Variants in SUPT6H observed in about 807,000 individuals in gnomAD.
The protein encoded by SUPT6H is SPT6 homolog, histone chaperone and transcription elongation factor, also known as transcription elongation factor SPT6.
A neutral mutation model predicts 222.3 loss-of-function variants in SUPT6H; 11 were observed. That is an observed-to-expected ratio of 0.05 (90% CI 0.03 to 0.08). The LOEUF is 0.08. Among genes scored for constraint, SUPT6H ranks in the 10% least tolerant of loss-of-function variants. SUPT6H has a pLI of 1.00. For missense variants in SUPT6H, 1,422 were observed against 2,216.0 expected (o/e 0.64, Z 7.19); for synonymous variants, 762 against 801.2 (o/e 0.95, Z 0.83).
intron 27 of SUPT6H, among the ~76,000 whole-genome samples, chr17:28,693,377 G>A (rs894394728): frequency 1.3e-5 from 2 of 151,906 alleles, no homozygotes; most frequent in Non-Finnish European, 2.9e-5. Context: ...ACGAGAATCG[G>A]CTTGAACCCA....
intron 19 of SUPT6H, 22 bp downstream of exon 19, chr17:28,684,983 A>G: frequency 6.3e-7 from 1 of 1,597,330 alleles, no homozygotes; most frequent in Admixed American, 1.7e-5. Context: ...GGACGAGGAT[A>G]CTAAGTGTAC....
intron 19 of SUPT6H, among the ~76,000 whole-genome samples, 161 bp from the exon 20 acceptor site, chr17:28,686,178 C>T (rs987699855): frequency 1.3e-5 from 2 of 152,180 alleles, no homozygotes; most frequent in Non-Finnish European, 2.9e-5. Flanking sequence ...CAGGGTTGGC[C>T]AACTTTCAGG....
At chr17:28,693,649 T>C (rs761791273) in intron 27 of SUPT6H, 47 bp from the exon 28 acceptor site, 2 of 1,607,582 alleles carry the variant, frequency 1.2e-6, no homozygotes, top group Non-Finnish European at 8.5e-7. Context: ...GAATGAGCGA[T>C]CTCCAGAATA....
Position 28,683,609 on chromosome 17 carries a change from GTC to G in SUPT6H, c.2034-8_2034-7del. On this transcript the variant is annotated splice_polypyrimidine_tract_variant and intron_variant, in intron 16 of 36. Coordinates refer to ENST00000314616, the MANE Select transcript of SUPT6H (RefSeq NM_003170.5). ...TCCATTCCTGACACCATAGCTTTGTGTCTCTTCTCAGCTATGGCAACGACCAG... is the reference window on the plus strand; with the variant it reads ...TCCATTCCTGACACCATAGCTTTGTGTCTTCTCAGCTATGGCAACGACCAG... 6.2e-7 allele frequency: 1 copy of G among 1,612,350 alleles called. No homozygotes were observed. Among genetic ancestry groups the G allele is most frequent in the Non-Finnish European group, 8.5e-7 (1 of 1,178,676 alleles).
At chr17:28,664,673 C>T (rs886815553) in intron 1 of SUPT6H, among the ~76,000 whole-genome samples, 7 of 152,152 alleles carry the variant, frequency 4.6e-5, no homozygotes, top group South Asian at 2.1e-4. Context: ...CAGAATCACG[C>T]GTCAAAAATG....
rs749608752 is a variant in SUPT6H, at chr17:28,695,529, C to T, written c.3952C>T (p.Arg1318Trp). ...CCACAAGCAGGAGGAGGACATGAAG[C>T]GGAAGCAGCAGCGGACCAGTGAGTG... is the stretch of plus-strand genomic sequence containing the variant. ...ADHKQEEDMKRKQQRTTYIKR... is the reference protein window; with the variant it reads ...ADHKQEEDMKWKQQRTTYIKR... Residue 1318 changes from arginine (R) to tryptophan (W), a missense_variant, in exon 29 of 37, where the codon CGG becomes TGG. Arg to Trp is a moderately radical substitution (Grantham distance 101). Transcript: ENST00000314616. 1.9e-6 allele frequency: 3 copies of T among 1,613,916 alleles called. No individual in the cohort carries two copies. Among genetic ancestry groups the T allele is most frequent in the Non-Finnish European group, 1.7e-6 (2 of 1,179,958 alleles).
chr17:28,680,883 G>A (rs1260279236), intron 11 of SUPT6H, among the ~76,000 whole-genome samples: 8 of 152,142 alleles, frequency 5.3e-5, no homozygotes, highest in African/African-American at 1.4e-4. Context: ...TCCTGACGTC[G>A]CGATCCCTCC....
At position 28,701,667 on chromosome 17, in the gene SUPT6H, A is replaced by C. The variant is rs1286481731; in HGVS notation, c.*42A>C. ...ACTCTGGTTACCTCTGAGGCTGGGA[A>C]AGGCCTGGCTGCCCACTGCCTCCCT... On this transcript the variant is annotated 3_prime_UTR_variant, in exon 37 of 37. Coordinates refer to ENST00000314616, the MANE Select transcript of SUPT6H (RefSeq NM_003170.5). 1.3e-6 allele frequency: 2 copies of C among 1,558,522 alleles called. No homozygotes were observed. Among genetic ancestry groups the C allele is most frequent in the Non-Finnish European group, 1.7e-6 (2 of 1,147,958 alleles).
intron 2 of SUPT6H, among the ~76,000 whole-genome samples, chr17:28,674,041 A>G (rs756174062): frequency 2.6e-5 from 4 of 152,254 alleles, no homozygotes; most frequent in African/African-American, 4.8e-5. Context: ...TGAGAAGCCA[A>G]AGTGACGGGG....
chr17:28,668,216 T>A (rs1490313973), intron 1 of SUPT6H, among the ~76,000 whole-genome samples: 1 of 152,196 alleles, frequency 6.6e-6, no homozygotes, highest in African/African-American at 2.4e-5. Context: ...CAAATTTAAC[T>A]TACAGTGTGA....
At chr17:28,667,403 G>GTATATATATA (rs1432342239) in intron 1 of SUPT6H, among the ~76,000 whole-genome samples, 1,275 of 42,144 alleles carry the variant, frequency 0.03, 33 homozygotes, top group Non-Finnish European at 0.042. Context: ...AAGTGTGTGT[G>GTATATATATA]TGTATATATA....
chr17:28,683,452 T>G, intron 16 of SUPT6H, 30 bp downstream of exon 16: 40 of 1,612,282 alleles, frequency 2.5e-5, no homozygotes, highest in Non-Finnish European at 3.4e-5. Flanking sequence ...GGCGACTCTC[T>G]GGGGAAGGCC....
chr17:28,698,094 A>G, intron 32 of SUPT6H, 64 bp downstream of exon 32: 5 of 1,565,474 alleles, frequency 3.2e-6, no homozygotes, highest in Non-Finnish European at 4.3e-6. Flanking sequence ...AGGCAGGGAG[A>G]GGCCCGGAGC....
intron 29 of SUPT6H, among the ~76,000 whole-genome samples, chr17:28,695,959 T>TC (rs2031886396): frequency 1.3e-5 from 2 of 152,040 alleles, no homozygotes; most frequent in South Asian, 4.2e-4. Context: ...GCCCAGGAGT[T>TC]CAAGACCAGC....
chr17:28,687,458 C>T lies in SUPT6H; in HGVS notation c.2993C>T (p.Thr998Ile), dbSNP rs772860204. The T allele has an allele frequency of 1.2e-6, 2 of 1,614,018 alleles. No individual in the cohort carries two copies. Among genetic ancestry groups the T allele is most frequent in the South Asian group, 1.1e-5 (1 of 91,056 alleles). The change falls in exon 23 of 37, where the codon ACC (threonine) becomes ATC (isoleucine). Residue 998 changes from threonine (T) to isoleucine (I), a missense_variant. By Grantham distance (89) the Thr-to-Ile change is moderately conservative (BLOSUM62 -1). This residue lies in a region of SUPT6H where 294 missense variants were observed against 382.1 expected (regional missense o/e 0.77). Coordinates refer to ENST00000314616, the MANE Select transcript of SUPT6H (RefSeq NM_003170.5). ...TGTGGCCTGGGACCTCGGAAAGGGA[C>T]CCACCTCCTGAAGGTAGGATTGGAG... ...YVCGLGPRKG[T>I]HLLKILKQNN...
chr17:28,700,655 G>T (rs1206466772), intron 35 of SUPT6H, 143 bp downstream of exon 35: 2 of 1,211,288 alleles, frequency 1.7e-6, no homozygotes, highest in Non-Finnish European at 2.3e-6. Context: ...CTTGTCCTTA[G>T]GCCCATTTGA....
intron 27 of SUPT6H, chr17:28,691,383 A>C (rs927469741): frequency 1.2e-5 from 3 of 255,774 alleles, no homozygotes; most frequent in Admixed American, 4.6e-5. Context: ...AAAATTAGCC[A>C]GTTGTGGTGG....
intron 28 of SUPT6H, 28 bp downstream of exon 28, chr17:28,693,864 A>G (rs1439073489): frequency 6.2e-7 from 1 of 1,613,954 alleles, no homozygotes; most frequent in Admixed American, 1.7e-5. Context: ...CTAAGGTCGT[A>G]GTGCAATTTT....
At chr17:28,700,572 C>A in intron 35 of SUPT6H, 60 bp downstream of exon 35, 1 of 1,572,154 alleles carries the variant, frequency 6.4e-7, no homozygotes. Flanking sequence ...TGCCCTCTCG[C>A]ATTGCCCACA....
Sources: gnomAD v4.1 joint callset for allele counts (sites outside exome capture counted in the v4.1 genomes callset) on GRCh38, gnomAD v4.1.1 for gene constraint, gnomAD v4.1.1 regional missense constraint, MANE v1.5 for transcripts, NCBI Gene and HGNC (gene_info 2026-07-23, HGNC 2026-07-21) for gene names.